The following DCAF8L2 variants were observed in gnomAD, a reference collection of about 807,000 sequenced individuals.
DCAF8L2 encodes DDB1 and CUL4 associated factor 8 like 2, also known as DDB1- and CUL4-associated factor 8-like protein 2.
For missense variants in DCAF8L2, 430 were observed against 490.7 expected (o/e 0.88, Z 1.17); for synonymous variants, 200 against 190.9 (o/e 1.05, Z -0.39).
the DCAF8L2 span, among the ~76,000 whole-genome samples, chrX:27,540,164 G>A: frequency 9.0e-6 from 1 of 111,414 alleles, no homozygotes; most frequent in African/African-American, 3.3e-5. Flanking sequence ...TTTTACTGCT[G>A]CCTAGTTTTC....
At chrX:27,583,938 T>C in the DCAF8L2 span, among the ~76,000 whole-genome samples, 4,006 of 111,377 alleles carry the variant, frequency 0.036, 162 homozygotes, top group African/African-American at 0.12. Context: ...AAATATTTTG[T>C]CCCTGTATGT....
chrX:27,502,338 ATATATATATATAT>A, the DCAF8L2 span, among the ~76,000 whole-genome samples: 15 of 27,543 alleles, frequency 5.4e-4, 1 homozygote, highest in Non-Finnish European at 7.9e-4. Context: ...AAAAAAAAAT[ATATATATATATAT>A]ATATATATAT....
At chrX:27,574,116 G>A in the DCAF8L2 span, among the ~76,000 whole-genome samples, 7 of 109,614 alleles carry the variant, frequency 6.4e-5, no homozygotes, top group Non-Finnish European at 1.3e-4. Context: ...CTACACACAT[G>A]AGCCACCATG....
chrX:27,679,570 G>A (rs970112815), intron 3 of DCAF8L2, among the ~76,000 whole-genome samples: 16 of 110,990 alleles, frequency 1.4e-4, no homozygotes, highest in African/African-American at 4.9e-4. Context: ...AGCAGCTGGG[G>A]TCAGATATCC....
At chrX:27,469,103 A>G in the DCAF8L2 span, among the ~76,000 whole-genome samples, 1 of 111,828 alleles carries the variant, frequency 8.9e-6, no homozygotes, top group African/African-American at 3.2e-5. Flanking sequence ...AAGCTCCAAA[A>G]TCTGCTCACA....
chrX:27,735,111 G>A (rs1346673568), intron 4 of DCAF8L2, among the ~76,000 whole-genome samples: 1 of 111,591 alleles, frequency 9.0e-6, no homozygotes, highest in Non-Finnish European at 1.9e-5. Flanking sequence ...GCATAATTAA[G>A]AGAAAAACAA....
the DCAF8L2 span, among the ~76,000 whole-genome samples, chrX:27,503,012 G>T: frequency 1.9e-3 from 207 of 111,842 alleles, no homozygotes; most frequent in East Asian, 0.017. Flanking sequence ...GGAGAAAGAA[G>T]AGGGTTGTGC....
At chrX:27,696,264 GAGAGAGAA>G (rs1388758703) in intron 3 of DCAF8L2, among the ~76,000 whole-genome samples, 4 of 75,644 alleles carry the variant, frequency 5.3e-5, no homozygotes, top group South Asian at 8.4e-4. Context: ...AAGGAAGAGA[GAGAGAGAA>G]AGAAAGAAAG....
intron 1 of DCAF8L2, among the ~76,000 whole-genome samples, chrX:27,600,313 A>T (rs1926583367): frequency 8.9e-6 from 1 of 112,297 alleles, no homozygotes; most frequent in South Asian, 3.6e-4. Flanking sequence ...AATGTACAAT[A>T]TTAGATAAAA....
intron 2 of DCAF8L2, among the ~76,000 whole-genome samples, chrX:27,640,030 G>GCACC (rs1928651630): frequency 9.0e-6 from 1 of 111,460 alleles, no homozygotes; most frequent in African/African-American, 3.3e-5. Context: ...TTGGTGTGCT[G>GCACC]CACCCATTAA....
rs1430938671 is a variant in DCAF8L2, at chrX:27,590,398, G to C, written c.-384G>C. On this transcript the variant is annotated 5_prime_UTR_variant, in exon 1 of 5. Transcript: ENST00000451261. ...CACAAGGTTATTTAGAAGACGTCTT[G>C]CACTGTTCAAATGCAGAGGAAGGCG... The C allele has an allele frequency of 9.0e-6, 1 of 111,579 alleles. No homozygotes were observed. Among genetic ancestry groups the C allele is most frequent in the Non-Finnish European group, 1.9e-5 (1 of 53,175 alleles). The allele number at this position is 111,579 out of a possible 1,213,427, so 9.2% of individuals were successfully genotyped here.
chrX:27,477,141 C>A, the DCAF8L2 span, among the ~76,000 whole-genome samples: 1 of 112,283 alleles, frequency 8.9e-6, no homozygotes, highest in Admixed American at 9.4e-5. Flanking sequence ...GTATACTATA[C>A]CACCTCCTGC....
In DCAF8L2 at chrX:27,748,878, T is replaced by G; in HGVS notation, c.*87T>G. 1 of 1,035,031 alleles carries G rather than the reference T, an allele frequency of 9.7e-7. No homozygotes were observed. Among genetic ancestry groups the G allele is most frequent in the Non-Finnish European group, 1.3e-6 (1 of 786,683 alleles). 85.3% of individuals were successfully genotyped at this position (1,035,031 alleles called of 1,213,427 possible). On this transcript the variant is annotated 3_prime_UTR_variant, in exon 5 of 5. Transcript: ENST00000451261. ...GACTAATTTAGAATTGTCAATAGAT[T>G]AATAGATTTGCTTTTTGTCTTCTAT...
upstream of DCAF8L2, among the ~76,000 whole-genome samples, chrX:27,588,761 A>G (rs1925964717): frequency 9.0e-6 from 1 of 111,236 alleles, no homozygotes. Flanking sequence ...ACCAATGCAT[A>G]TAAACTATGA....
At chrX:27,523,943 G>A in the DCAF8L2 span, among the ~76,000 whole-genome samples, 1 of 111,474 alleles carries the variant, frequency 9.0e-6, no homozygotes, top group Non-Finnish European at 1.9e-5. Flanking sequence ...GTATTTTATT[G>A]AGGATTTCTG....
chrX:27,731,961 C>T (rs901348604), intron 4 of DCAF8L2, among the ~76,000 whole-genome samples: 3 of 111,291 alleles, frequency 2.7e-5, no homozygotes, highest in African/African-American at 6.5e-5. Flanking sequence ...CAACTGGAAA[C>T]GGGCAAGACC....
rs1929866019 is a variant in DCAF8L2 at position 27,669,485 on chromosome X, T to C, written c.-219-8351T>C. ...ATTTATTTATTTATTTATTTTTTAT[T>C]TTTATTATACTTTAAGTTCTAGGGT... On this transcript the variant is annotated intron_variant, in intron 2 of 4. Coordinates refer to ENST00000451261, the MANE Select transcript of DCAF8L2 (RefSeq NM_001353450.2). 2.7e-5 allele frequency among the ~76,000 whole-genome samples: 3 copies of C among 110,109 alleles called. No individual in the cohort carries two copies. In the Admixed American group the frequency reaches 2.9e-4, roughly 11 times the overall value.
chrX:27,632,171 G>A (rs1928314983), intron 2 of DCAF8L2, 171 bp downstream of exon 2: 1 of 112,043 alleles, frequency 8.9e-6, no homozygotes, highest in Non-Finnish European at 1.9e-5. Flanking sequence ...TTTCTTAATT[G>A]TGTCTTTTAA....
chrX:27,590,315 A>G (rs55805558), upstream of DCAF8L2: 17,492 of 110,830 alleles, frequency 0.16, 1,121 homozygotes, highest in East Asian at 0.36. Flanking sequence ...GTAAACTGCA[A>G]TAAGAACCAT....
Sources: allele counts gnomAD v4.1 joint callset (sites outside exome capture counted in the v4.1 genomes callset), GRCh38; gene constraint gnomAD v4.1.1; transcripts MANE v1.5; gene names NCBI Gene and HGNC (gene_info 2026-07-23, HGNC 2026-07-21).